The following ITCH variants were observed in gnomAD, a reference collection of about 807,000 sequenced individuals.
ITCH encodes itchy E3 ubiquitin protein ligase.
In ITCH, 28 loss-of-function variants were observed where a neutral mutation model predicts 126.8. The observed-to-expected ratio is 0.22, with a 90% CI of 0.16 to 0.30. The LOEUF (loss-of-function observed/expected upper bound fraction) is 0.30, where lower values mean the gene tolerates loss of function less well. ITCH is among the 10% of genes least tolerant of loss of function. The pLI is 1.00. For missense variants in ITCH, 631 were observed against 1,032.4 expected (o/e 0.61, Z 5.33); for synonymous variants, 342 against 340.0 (o/e 1.01, Z -0.06).
chr20:34,496,452 A>G (rs1188435937), intron 23 of ITCH, among the ~76,000 whole-genome samples: 1 of 152,180 alleles, frequency 6.6e-6, no homozygotes, highest in Non-Finnish European at 1.5e-5. Context: ...TTAGTTTCAT[A>G]TAACCCAATT....
chr20:34,372,509 T>A (rs1427938612), intron 2 of ITCH, among the ~76,000 whole-genome samples: 1 of 147,556 alleles, frequency 6.8e-6, no homozygotes, highest in African/African-American at 2.5e-5. Flanking sequence ...GCCTCCTGAG[T>A]AGCTGGGATT....
At chr20:34,374,539 T>C (rs1013772186) in intron 2 of ITCH, among the ~76,000 whole-genome samples, 1 of 152,172 alleles carries the variant, frequency 6.6e-6, no homozygotes, top group Non-Finnish European at 1.5e-5. Context: ...ATCAACCTTA[T>C]CTTTCTTAAA....
intron 10 of ITCH, 59 bp from the exon 11 acceptor site, chr20:34,445,228 A>C: frequency 1.3e-6 from 2 of 1,572,088 alleles, no homozygotes; most frequent in East Asian, 2.2e-5. Context: ...AAAATATTCT[A>C]TCTGTTTCAC....
At chr20:34,433,418 C>T (rs532829562) in intron 7 of ITCH, among the ~76,000 whole-genome samples, 9 of 152,298 alleles carry the variant, frequency 5.9e-5, no homozygotes, top group East Asian at 1.9e-4. Context: ...TGGTGGCTCA[C>T]GCCTGTAATC....
At chr20:34,385,797 G>A (rs1193401157) in intron 2 of ITCH, among the ~76,000 whole-genome samples, 1 of 152,168 alleles carries the variant, frequency 6.6e-6, no homozygotes, top group Non-Finnish European at 1.5e-5. Context: ...TGGAAAGTGG[G>A]AAAGGAGCTT....
At chr20:34,455,177 G>GTCAA (rs2146344308) in intron 12 of ITCH, among the ~76,000 whole-genome samples, 1 of 152,274 alleles carries the variant, frequency 6.6e-6, no homozygotes, top group South Asian at 2.1e-4. Context: ...AATTAGCCAT[G>GTCAA]TCAACATGGA....
rs949015152 is a variant in ITCH at position 34,507,285 on chromosome 20, T to G, written c.2490-410T>G. Among the ~76,000 whole-genome samples, 915 of 102,502 alleles carry G rather than the reference T, an allele frequency of 8.9e-3. 18 individuals carry two copies. The highest frequency in any genetic ancestry group is 0.028 in the African/African-American group (775 of 27,686). 67.2% of individuals were successfully genotyped at this position (102,502 alleles called of 152,430 possible). A position where few individuals can be genotyped will look rare whatever the true frequency, so the allele number is the denominator to read the frequency against. On this transcript the variant is annotated intron_variant, in intron 24 of 24. Transcript: ENST00000374864. The stretch of plus-strand genomic sequence containing the variant: ...TCTGTTTTTTTTTTTTTTTTTTTTT[T>G]TTTTGGTTGTTGTTGTTGTTGTTTT...
At chr20:34,386,650 A>G (rs571375927) in intron 2 of ITCH, among the ~76,000 whole-genome samples, 6 of 152,306 alleles carry the variant, frequency 3.9e-5, no homozygotes, top group African/African-American at 1.4e-4. Context: ...GCTATATTAA[A>G]TTACTTAAAG....
At chr20:34,423,696 C>T (rs1981109239) in intron 6 of ITCH, among the ~76,000 whole-genome samples, 2 of 152,052 alleles carry the variant, frequency 1.3e-5, no homozygotes, top group African/African-American at 2.4e-5. Flanking sequence ...TTCTGCCTCC[C>T]GGGTTCTAGC....
Position 34,428,164 on chromosome 20 carries a change from G to A in ITCH, c.521+3639G>A, listed in dbSNP as rs568106331. 4.4e-4 allele frequency among the ~76,000 whole-genome samples: 67 copies of A among 152,270 alleles called. 1 individual carries two copies. The highest frequency in any genetic ancestry group is 1.6e-3 in the African/African-American group (67 of 41,554). On this transcript the variant is annotated intron_variant, in intron 7 of 24. Coordinates refer to ENST00000374864, the MANE Select transcript of ITCH (RefSeq NM_031483.7). Reference sequence around the variant, plus strand: ...ACCTTTGAGATGACAGGTTTGAAAAGCATTTTGTAAACTGTCAAAAGCTGT... The same window carrying A: ...ACCTTTGAGATGACAGGTTTGAAAAACATTTTGTAAACTGTCAAAAGCTGT...
intron 24 of ITCH, among the ~76,000 whole-genome samples, 177 bp from the exon 25 acceptor site, chr20:34,507,518 A>G (rs565119199): frequency 6.6e-6 from 1 of 151,830 alleles, no homozygotes; most frequent in East Asian, 1.9e-4. Flanking sequence ...TTTATCAGAT[A>G]TATGATTTAC....
Position 34,488,881 on chromosome 20 carries a change from A to G in ITCH, c.2094-385A>G, listed in dbSNP as rs147264027. On this transcript the variant is annotated intron_variant, in intron 20 of 24. Coordinates refer to ENST00000374864, the MANE Select transcript of ITCH (RefSeq NM_031483.7). ...AGAGAGACACCATCTCTACATACAA[A>G]ACCAAAAATCAGCCAGGCGTGGTGT... Among the ~76,000 whole-genome samples, 1,193 of 152,178 alleles carry G rather than the reference A, an allele frequency of 7.8e-3. 14 individuals are homozygous for G. The highest frequency in any genetic ancestry group is 0.027 in the African/African-American group (1,135 of 41,510).
At chr20:34,398,186 C>T (rs6088485) in intron 3 of ITCH, among the ~76,000 whole-genome samples, 52,597 of 151,654 alleles carry the variant, frequency 0.35, 9,535 homozygotes, top group Admixed American at 0.52. Context: ...CCTCAGCCTC[C>T]TGAGTAGCTG....
In ITCH at chr20:34,424,499, T is replaced by A. The variant is rs373751787; in HGVS notation, c.495T>A (p.Asp165Glu). The A allele has an allele frequency of 5.0e-6, 8 of 1,613,494 alleles. No individual in the cohort carries two copies. In the African/African-American group the frequency reaches 1.1e-4, roughly 22 times the overall value. ...TTAAAGGTGCTTCTCAGAATGATGATGGCTCCAGATCCAAGGATGAAACAA... is the reference window on the plus strand; with the variant it reads ...TTAAAGGTGCTTCTCAGAATGATGAAGGCTCCAGATCCAAGGATGAAACAA... ...TCSESASQND[D>E]GSRSKDETRV... The change falls in exon 7 of 25, where the codon GAT becomes GAA. Residue 165 changes from aspartate (D) to glutamate (E), a missense_variant. Asp to Glu is a conservative substitution (Grantham distance 45). Coordinates refer to ENST00000374864, the MANE Select transcript of ITCH (RefSeq NM_031483.7).
chr20:34,456,214 ATTTTT>A (rs1174099069), intron 12 of ITCH, among the ~76,000 whole-genome samples: 5 of 17,706 alleles, frequency 2.8e-4, no homozygotes, highest in South Asian at 4.7e-3. Context: ...ATATATATAT[ATTTTT>A]TTTTTTTTTT....
intron 2 of ITCH, among the ~76,000 whole-genome samples, chr20:34,390,825 A>G (rs371936723): frequency 3.3e-5 from 5 of 151,538 alleles, no homozygotes; most frequent in Admixed American, 6.6e-5. Flanking sequence ...CAATGGCGCA[A>G]TCTTGGCTTA....
intron 2 of ITCH, among the ~76,000 whole-genome samples, chr20:34,378,193 G>A (rs923423637): frequency 2.0e-5 from 3 of 151,894 alleles, no homozygotes; most frequent in Middle Eastern, 3.2e-3. Flanking sequence ...GATGTAGGCC[G>A]GGCACAGTGG....
At chr20:34,498,891 C>G (rs1052095561) in intron 23 of ITCH, among the ~76,000 whole-genome samples, 7 of 151,836 alleles carry the variant, frequency 4.6e-5, no homozygotes, top group African/African-American at 1.7e-4. Context: ...TCTGGAAGAG[C>G]TTGAAAAGAA....
chr20:34,422,904 C>T (rs1980971782), intron 6 of ITCH, among the ~76,000 whole-genome samples: 1 of 152,010 alleles, frequency 6.6e-6, no homozygotes, highest in South Asian at 2.1e-4. Context: ...AAGTGATTCT[C>T]TTGCCTCAGA....
Sources: allele counts gnomAD v4.1 joint callset (sites outside exome capture counted in the v4.1 genomes callset), GRCh38; gene constraint gnomAD v4.1.1; transcripts MANE v1.5; gene names NCBI Gene and HGNC (gene_info 2026-07-23, HGNC 2026-07-21).